The following CACNA1A variants were observed in gnomAD, a reference collection of about 807,000 sequenced individuals.
The protein encoded by CACNA1A is calcium voltage-gated channel subunit alpha1 A, also known as voltage-dependent P/Q-type calcium channel subunit alpha-1A.
Under a neutral mutation model 262.4 loss-of-function variants are expected in CACNA1A, and 57 were observed. The ratio of observed to expected loss-of-function variants is 0.22; its 90% confidence interval spans 0.18 to 0.27. CACNA1A has a LOEUF of 0.27. CACNA1A is among the 10% of genes least tolerant of loss of function. The probability of loss-of-function intolerance (pLI) is 1.00; values close to 1 mark genes in which losing one functional copy is unlikely to be tolerated. For synonymous variants in CACNA1A, 1,431 were observed against 1,419.3 expected, an observed-to-expected ratio of 1.01 and a Z score of -0.18; for missense variants, 2,526 against 3,562.8, an observed-to-expected ratio of 0.71 and a Z score of 7.41.
intron 4 of CACNA1A, among the ~76,000 whole-genome samples, chr19:13,367,139 C>CA (rs2059228428): frequency 6.6e-6 from 1 of 151,582 alleles, no homozygotes; most frequent in African/African-American, 2.4e-5. Flanking sequence ...ACTAAAAATA[C>CA]AAAAAATTAT....
chr19:13,309,766 A>AT (rs2057980781), intron 12 of CACNA1A, among the ~76,000 whole-genome samples: 1 of 152,154 alleles, frequency 6.6e-6, no homozygotes, highest in Non-Finnish European at 1.5e-5. Flanking sequence ...ACACTGTGAT[A>AT]TAACTACCAT....
rs147620300 is a variant in CACNA1A, at chr19:13,470,701, C to T, written c.294-15489G>A. On this transcript the variant is annotated intron_variant, in intron 1 of 46. Coordinates refer to ENST00000360228, the MANE Select transcript of CACNA1A (RefSeq NM_001127222.2). ...TGACTGCATCATCCAAGCCCTGCAA[C>T]GCTGCCCTCCACCACATCTTCTGCC... Among the ~76,000 whole-genome samples, 428 of 152,316 alleles carry T rather than the reference C, an allele frequency of 2.8e-3. 4 individuals are homozygous for T. The highest frequency in any genetic ancestry group is 9.9e-3 in the African/African-American group (412 of 41,564).
intron 24 of CACNA1A, among the ~76,000 whole-genome samples, chr19:13,263,851 G>C (rs1325372160): frequency 1.3e-5 from 2 of 152,162 alleles, no homozygotes; most frequent in Non-Finnish European, 2.9e-5. Context: ...GGTGGTATCA[G>C]TGGGCTCTTA....
chr19:13,359,163 T>C (rs2059058405), intron 6 of CACNA1A, among the ~76,000 whole-genome samples: 1 of 152,156 alleles, frequency 6.6e-6, no homozygotes, highest in African/African-American at 2.4e-5. Context: ...AAGCTCTTGG[T>C]AGACACATCC....
rs775297926 is a variant in CACNA1A, at chr19:13,304,010, C to T, written c.1987-126G>A. The stretch of plus-strand genomic sequence containing the variant: ...CCCAGGAGGTCTTTAACAATCCTGC[C>T]CGGTTTGCAGAGCCAGACTCCGTGT... On this transcript the variant is annotated intron_variant, in intron 15 of 46. Transcript: ENST00000360228. 3.8e-4 allele frequency: 258 copies of T among 682,664 alleles called. 1 individual carries two copies. Among genetic ancestry groups the T allele is most frequent in the Non-Finnish European group, 6.0e-4 (235 of 388,660 alleles). The allele number at this position is 682,664 out of a possible 1,614,324, so 42.3% of individuals were successfully genotyped here.
Position 13,212,028 on chromosome 19 carries a change from T to TGAGGG in CACNA1A, c.6303+74_6303+75insCCCTC. The TGAGGG allele has an allele frequency of 9.3e-7, 1 of 1,070,762 alleles. No individual in the cohort carries two copies. Among genetic ancestry groups the TGAGGG allele is most frequent in the Non-Finnish European group, 1.4e-6 (1 of 713,374 alleles). 66.3% of individuals were successfully genotyped at this position (1,070,762 alleles called of 1,614,324 possible). A position where few individuals can be genotyped will look rare whatever the true frequency, so the allele number is the denominator to read the frequency against. On this transcript the variant is annotated intron_variant, in intron 43 of 46. Transcript: ENST00000360228. This position sits in a 1 kb window ranked among gnomAD's most constrained non-coding sequence, Gnocchi z 5.6. The stretch of plus-strand genomic sequence containing the variant: ...CCGGCAGGGAGGGGATGCACTGGGC[T>TGAGGG]GCTTGTGGGGGGGCCTGGCCCTACC...
At chr19:13,428,761 G>A (rs1737355317) in intron 3 of CACNA1A, among the ~76,000 whole-genome samples, 1 of 151,986 alleles carries the variant, frequency 6.6e-6, no homozygotes, top group African/African-American at 2.4e-5. Flanking sequence ...TTCAACCTGC[G>A]ATCCGCTCTC....
At chr19:13,349,726 G>A (rs72997525) in intron 6 of CACNA1A, among the ~76,000 whole-genome samples, 7 of 152,084 alleles carry the variant, frequency 4.6e-5, no homozygotes, top group East Asian at 3.9e-4. Context: ...ACTCTCAATC[G>A]CTGTGCACAG....
At chr19:13,370,428 T>G in intron 4 of CACNA1A, among the ~76,000 whole-genome samples, 1 of 151,634 alleles carries the variant, frequency 6.6e-6, no homozygotes, top group Non-Finnish European at 1.5e-5. Context: ...TTTTTAAACT[T>G]TTTGTTGTCT....
At chr19:13,383,406 T>C (rs183252881) in intron 3 of CACNA1A, among the ~76,000 whole-genome samples, 2 of 152,294 alleles carry the variant, frequency 1.3e-5, no homozygotes, top group East Asian at 3.9e-4. Flanking sequence ...GATCAAGAAC[T>C]GGGTTGTAGA....
intron 3 of CACNA1A, among the ~76,000 whole-genome samples, chr19:13,404,205 C>G (rs756028715): frequency 2.0e-5 from 3 of 151,774 alleles, no homozygotes; most frequent in African/African-American, 4.9e-5. Flanking sequence ...CACACACACA[C>G]AGTAATAAGG....
intron 1 of CACNA1A, among the ~76,000 whole-genome samples, chr19:13,481,712 T>C (rs1025216817): frequency 6.6e-6 from 1 of 151,936 alleles, no homozygotes; most frequent in Non-Finnish European, 1.5e-5. Flanking sequence ...CAAGATAGGC[T>C]ACAAAGAGGT....
chr19:13,419,903 T>C (rs1322476305), intron 3 of CACNA1A, among the ~76,000 whole-genome samples: 1 of 150,644 alleles, frequency 6.6e-6, no homozygotes, highest in Non-Finnish European at 1.5e-5. Flanking sequence ...CTGGCCAACA[T>C]GGTGAAACCC....
At chr19:13,439,566 A>ATT (rs201258979) in intron 3 of CACNA1A, among the ~76,000 whole-genome samples, 3 of 139,130 alleles carry the variant, frequency 2.2e-5, no homozygotes, top group African/African-American at 8.0e-5. Context: ...TGCCTGGCTA[A>ATT]TTTTTTTTTT....
intron 3 of CACNA1A, among the ~76,000 whole-genome samples, chr19:13,412,846 G>T: frequency 6.6e-6 from 1 of 152,066 alleles, no homozygotes; most frequent in East Asian, 1.9e-4. Context: ...TGGTAGAAAG[G>T]GTCCACTGAT....
intron 1 of CACNA1A, among the ~76,000 whole-genome samples, chr19:13,458,347 GAGTCTTACTTT>G (rs2061053573): frequency 6.6e-6 from 1 of 151,928 alleles, no homozygotes; most frequent in Non-Finnish European, 1.5e-5. Flanking sequence ...GTAAGAGACA[GAGTCTTACTTT>G]GTTGCCCAGG....
At chr19:13,489,756 G>A (rs895276694) in intron 1 of CACNA1A, among the ~76,000 whole-genome samples, 6 of 152,060 alleles carry the variant, frequency 3.9e-5, no homozygotes, top group African/African-American at 1.4e-4. Flanking sequence ...TCACTCCCCA[G>A]AGAGAACCAT....
rs774203605 is a variant in CACNA1A at position 13,317,298 on chromosome 19, T to C, written c.1369A>G (p.Ile457Val). 16 of 1,607,514 alleles carry C rather than the reference T, an allele frequency of 1.0e-5. No individual in the cohort carries two copies. The South Asian group carries it at 1.2e-4, about 12-fold the overall frequency. The change falls in exon 11 of 47, where the codon ATT becomes GTT. Residue 457 changes from isoleucine to valine, a missense_variant. Physicochemically the swap from Ile to Val is conservative, Grantham distance 29. This residue lies in a region of CACNA1A where 104 missense variants were observed against 127.6 expected (regional missense o/e 0.81). Coordinates refer to ENST00000360228, the MANE Select transcript of CACNA1A (RefSeq NM_001127222.2). ...SVGSPFARAS[I>V]KSAKLENSTF... ...GAGTTCTCCAGCTTGGCACTTTTAA[T>C]GCTGGCTCGGGCGAAGGGAGAACCT...
chr19:13,358,571 G>T (rs754440469), intron 6 of CACNA1A, among the ~76,000 whole-genome samples: 11 of 152,158 alleles, frequency 7.2e-5, no homozygotes, highest in Admixed American at 7.2e-4. Context: ...ACATAGATTC[G>T]ATTATGCTTA....
Sources: allele counts gnomAD v4.1 joint callset (sites outside exome capture counted in the v4.1 genomes callset), GRCh38; gene constraint gnomAD v4.1.1; regional missense constraint gnomAD v4.1.1; non-coding constraint Gnocchi (gnomAD v3.1); transcripts MANE v1.5; gene names NCBI Gene and HGNC (gene_info 2026-07-23, HGNC 2026-07-21).